The following TGIF1 variants were observed in gnomAD, a reference collection of about 807,000 sequenced individuals.
The protein encoded by TGIF1 is TGFB induced factor homeobox 1, also known as homeobox protein TGIF1.
A neutral mutation model predicts 19.3 loss-of-function variants in TGIF1; 4 were observed. The observed-to-expected ratio is 0.21, with a 90% CI of 0.10 to 0.47. The LOEUF (loss-of-function observed/expected upper bound fraction) is 0.47, where lower values mean the gene tolerates loss of function less well. Among genes scored for constraint, TGIF1 ranks in the 20% least tolerant of loss-of-function variants. The pLI, the probability that TGIF1 is intolerant of heterozygous loss-of-function variation, is 0.98. For synonymous variants in TGIF1, 122 were observed against 129.3 expected, an observed-to-expected ratio of 0.94 and a Z score of 0.38; for missense variants, 275 against 341.4, an observed-to-expected ratio of 0.81 and a Z score of 1.53.
At chr18:3,415,577 G>C (rs527604292) in intron 1 of TGIF1, 13 of 252,148 alleles carry the variant, frequency 5.2e-5, no homozygotes, top group Non-Finnish European at 9.3e-5. Context: ...GCCTAGGGCG[G>C]TTCTCAGGAA....
chr18:3,421,407 A>G (rs2082395744), intron 2 of TGIF1, among the ~76,000 whole-genome samples: 1 of 147,532 alleles, frequency 6.8e-6, no homozygotes, highest in Admixed American at 6.8e-5. Flanking sequence ...AGTATATAAA[A>G]TATATATATA....
At chr18:3,453,562 T>G (rs950091098) in intron 1 of TGIF1, among the ~76,000 whole-genome samples, 2 of 151,846 alleles carry the variant, frequency 1.3e-5, no homozygotes, top group Non-Finnish European at 2.9e-5. Flanking sequence ...GGCTTTTGCC[T>G]GTAATCCCAG....
chr18:3,430,719 C>G (rs2082536340), intron 2 of TGIF1, among the ~76,000 whole-genome samples: 1 of 150,948 alleles, frequency 6.6e-6, no homozygotes, highest in Non-Finnish European at 1.5e-5. Context: ...GCCATGTTGC[C>G]CAGGCTGTTA....
chr18:3,422,337 T>C (rs2082411202), intron 2 of TGIF1, among the ~76,000 whole-genome samples: 2 of 148,926 alleles, frequency 1.3e-5, no homozygotes, highest in South Asian at 4.2e-4. Context: ...TAGAAAAAGC[T>C]TATAGAATAT....
Position 3,457,292 on chromosome 18 carries a change from C to G in TGIF1, c.244-73C>G. 1.4e-6 allele frequency: 2 copies of G among 1,440,660 alleles called. No homozygotes were observed. Among genetic ancestry groups the G allele is most frequent in the Non-Finnish European group, 9.7e-7 (1 of 1,033,452 alleles). 89.2% of individuals were successfully genotyped at this position (1,440,660 alleles called of 1,614,324 possible). ...TCAGAGAGCAAGATCAATTAGGTAC[C>G]CCATAGAACATTCTCAGAACCCGTT... On this transcript the variant is annotated intron_variant, in intron 2 of 2. Transcript: ENST00000343820. This position sits in a 1 kb window ranked among gnomAD's most constrained non-coding sequence, Gnocchi z 4.9.
upstream of TGIF1, chr18:3,447,916 C>G: frequency 6.8e-7 from 1 of 1,479,816 alleles, no homozygotes; most frequent in South Asian, 1.2e-5. Flanking sequence ...TTCCAATTCT[C>G]GGTTCCCATC....
upstream of TGIF1, chr18:3,448,343 G>A: frequency 1.0e-6 from 1 of 985,358 alleles, no homozygotes; most frequent in Non-Finnish European, 1.2e-6. Context: ...CCCTTCAAAC[G>A]AAATAGCGAG....
upstream of TGIF1, chr18:3,449,767 A>T: frequency 1.0e-6 from 1 of 985,490 alleles, no homozygotes; most frequent in Non-Finnish European, 1.2e-6. Context: ...GCTGTCAAAA[A>T]CGAGACGGGG....
In TGIF1 at chr18:3,436,048, C is replaced by T. The variant is rs570504541; in HGVS notation, c.-45+17833C>T. Among the ~76,000 whole-genome samples the T allele has an allele frequency of 6.6e-5, 10 of 152,246 alleles. No homozygotes were observed. The South Asian group carries it at 1.7e-3, about 25-fold the overall frequency. On this transcript the variant is annotated intron_variant, in intron 2 of 3. Coordinates refer to the TGIF1 transcript ENST00000401449. ...TGGCCTTCCTTCGATTTTTGAAATT[C>T]CCAAGCTACTCATTTTTTCTCTTCC...
chr18:3,452,015 G>T lies in TGIF1; in HGVS notation c.16+1510G>T, dbSNP rs369932339. On this transcript the variant is annotated intron_variant, in intron 1 of 2. Coordinates refer to ENST00000343820, the MANE Select transcript of TGIF1 (RefSeq NM_003244.4). ...CGCAGAGCCGGGTGTCTGCCGGGGT[G>T]GGCTCCCCGCATTGTTCGGGCTCCG... 3.5e-5 allele frequency: 57 copies of T among 1,608,330 alleles called. No individual in the cohort carries two copies. In the East Asian group the frequency reaches 6.0e-4, roughly 17 times the overall value.
intron 2 of TGIF1, among the ~76,000 whole-genome samples, chr18:3,439,371 G>A (rs1467480242): frequency 2.0e-5 from 3 of 149,236 alleles, no homozygotes; most frequent in Non-Finnish European, 3.0e-5. Context: ...TTTTTGAGAC[G>A]GAGTCTTGCT....
upstream of TGIF1, chr18:3,448,081 G>GT: frequency 1.0e-6 from 1 of 976,852 alleles, no homozygotes; most frequent in Middle Eastern, 5.3e-4. Flanking sequence ...GGCGGGGGGG[G>GT]AGGTAGGGTT....
chr18:3,421,023 G>A (rs987832322), intron 2 of TGIF1, among the ~76,000 whole-genome samples: 3 of 152,010 alleles, frequency 2.0e-5, no homozygotes, highest in South Asian at 2.1e-4. Flanking sequence ...GACAGACTAC[G>A]TATATGATGG....
At chr18:3,447,913 T>G, upstream of TGIF1, 1 of 1,496,056 alleles carries the variant, frequency 6.7e-7, no homozygotes, top group Middle Eastern at 1.7e-4. Context: ...CCTTTCCAAT[T>G]CTCGGTTCCC....
chr18:3,432,076 C>T (rs910171653), intron 2 of TGIF1, among the ~76,000 whole-genome samples: 7 of 142,524 alleles, frequency 4.9e-5, no homozygotes, highest in African/African-American at 1.9e-4. Flanking sequence ...TACAGTGAGC[C>T]GAGATTGTGC....
At position 3,458,331 on chromosome 18, in the gene TGIF1, T is replaced by C. The variant is rs535121145; in HGVS notation, c.*391T>C. ...CACATACTGTCTAATTAATAAATTT[T>C]CCATTTTTTTTCAAACAAGTATGAA... On this transcript the variant is annotated 3_prime_UTR_variant, in exon 3 of 3. Coordinates refer to ENST00000343820, the MANE Select transcript of TGIF1 (RefSeq NM_003244.4). 2 of 171,352 alleles carry C rather than the reference T, an allele frequency of 1.2e-5. No homozygotes were observed. Among genetic ancestry groups the C allele is most frequent in the South Asian group, 2.9e-4 (2 of 6,908 alleles). The allele number at this position is 171,352 out of a possible 1,614,324, so 10.6% of individuals were successfully genotyped here.
chr18:3,448,249 C>G, upstream of TGIF1: 1 of 985,440 alleles, frequency 1.0e-6, no homozygotes, highest in Non-Finnish European at 1.2e-6. Flanking sequence ...GTCGCCCAGC[C>G]CCCGGCTCCT....
chr18:3,426,555 C>G (rs1364514196), intron 2 of TGIF1, among the ~76,000 whole-genome samples: 3 of 152,060 alleles, frequency 2.0e-5, no homozygotes, highest in East Asian at 3.8e-4. Context: ...TACAGATAAC[C>G]TATGGGCCTA....
At position 3,456,896 on chromosome 18, in the gene TGIF1, G is replaced by A. The variant is rs903287012; in HGVS notation, c.243+316G>A. The A allele has an allele frequency of 1.5e-5, 9 of 601,228 alleles. No homozygotes were observed. Among genetic ancestry groups the A allele is most frequent in the African/African-American group, 1.5e-4 (8 of 53,908 alleles). 37.2% of individuals were successfully genotyped at this position (601,228 alleles called of 1,614,324 possible). A position where few individuals can be genotyped will look rare whatever the true frequency, so the allele number is the denominator to read the frequency against. On this transcript the variant is annotated intron_variant, in intron 2 of 2. Transcript: ENST00000343820. This position sits in a 1 kb window ranked among gnomAD's most constrained non-coding sequence, Gnocchi z 4.2. ...TGATATTTAAACAAGGACGACTTCA[G>A]TGAGGTAATTCATGTTATGTCTGTT...
Sources: gnomAD v4.1 joint callset for allele counts (sites outside exome capture counted in the v4.1 genomes callset) on GRCh38, gnomAD v4.1.1 for gene constraint, Gnocchi (gnomAD v3.1) non-coding constraint, MANE v1.5 for transcripts, NCBI Gene and HGNC (gene_info 2026-07-23, HGNC 2026-07-21) for gene names.